The following ROBO1 variants were observed in gnomAD, a reference collection of about 807,000 sequenced individuals.
ROBO1 encodes the protein roundabout guidance receptor 1, also known as roundabout homolog 1.
A neutral mutation model predicts 195.9 loss-of-function variants in ROBO1; 149 were observed. That is an observed-to-expected ratio of 0.76 (90% CI 0.67 to 0.87). The LOEUF is 0.87. Among genes scored for constraint, ROBO1 ranks in the 40% least tolerant of loss-of-function variants. ROBO1 has a pLI of 0.00. For missense variants in ROBO1, 1,933 were observed against 2,068.3 expected (o/e 0.93, Z 1.27); for synonymous variants, 816 against 733.2 (o/e 1.11, Z -1.82).
At chr3:78,985,685 C>T (rs567621770) in intron 3 of ROBO1, among the ~76,000 whole-genome samples, 5 of 152,246 alleles carry the variant, frequency 3.3e-5, no homozygotes, top group African/African-American at 9.6e-5. Context: ...AGAGTTGTAA[C>T]AGCCAAAGTT....
At chr3:78,719,233 A>G (rs2081983295) in intron 5 of ROBO1, among the ~76,000 whole-genome samples, 1 of 152,172 alleles carries the variant, frequency 6.6e-6, no homozygotes. Flanking sequence ...GCCTGCACGC[A>G]GTAGTCACTC....
intron 2 of ROBO1, among the ~76,000 whole-genome samples, chr3:79,303,355 G>A (rs544135929): frequency 2.0e-5 from 3 of 151,864 alleles, no homozygotes; most frequent in East Asian, 1.9e-4. Flanking sequence ...TAGCAGAGAC[G>A]GGGTTTCGCC....
intron 2 of ROBO1, among the ~76,000 whole-genome samples, chr3:79,293,046 A>T (rs1413603423): frequency 6.6e-6 from 1 of 152,132 alleles, no homozygotes; most frequent in Admixed American, 6.5e-5. Context: ...TACAACCTGA[A>T]TTTCAGACCT....
At chr3:79,447,192 T>A (rs940165607) in intron 2 of ROBO1, among the ~76,000 whole-genome samples, 1 of 151,994 alleles carries the variant, frequency 6.6e-6, no homozygotes, top group Non-Finnish European at 1.5e-5. Context: ...ACAGACTCGA[T>A]TGCCTCTAAA....
chr3:79,511,730 C>T (rs1940716303), intron 2 of ROBO1, among the ~76,000 whole-genome samples: 1 of 152,094 alleles, frequency 6.6e-6, no homozygotes, highest in African/African-American at 2.4e-5. Context: ...CCATGGAATA[C>T]TATGCAGCCA....
At chr3:79,726,305 C>T (rs1702924132) in intron 1 of ROBO1, among the ~76,000 whole-genome samples, 1 of 152,174 alleles carries the variant, frequency 6.6e-6, no homozygotes, top group South Asian at 2.1e-4. Context: ...CCTCCTCCAA[C>T]CCCATCTATC....
chr3:79,760,259 A>AAAAAAAG (rs1704621476), intron 1 of ROBO1, among the ~76,000 whole-genome samples: 1 of 146,064 alleles, frequency 6.8e-6, no homozygotes. Context: ...AAAAAAAAAA[A>AAAAAAAG]AAAAAAAAAA....
chr3:78,836,088 G>C (rs1195362881), intron 4 of ROBO1, among the ~76,000 whole-genome samples: 1 of 152,176 alleles, frequency 6.6e-6, no homozygotes, highest in Non-Finnish European at 1.5e-5. Context: ...AAGATTGACA[G>C]AATATGCCTA....
At chr3:79,743,449 G>A (rs1254484340) in intron 1 of ROBO1, among the ~76,000 whole-genome samples, 2 of 152,192 alleles carry the variant, frequency 1.3e-5, no homozygotes, top group Non-Finnish European at 2.9e-5. Flanking sequence ...ATGAGCCAGT[G>A]AGTGACTGGT....
intron 3 of ROBO1, chr3:79,018,460 A>G: frequency 6.2e-7 from 1 of 1,613,856 alleles, no homozygotes; most frequent in Non-Finnish European, 8.5e-7. Context: ...CTCCGCAATC[A>G]TTGTCCTCGG....
chr3:79,136,808 A>G (rs540987623), intron 2 of ROBO1, among the ~76,000 whole-genome samples: 2 of 152,210 alleles, frequency 1.3e-5, no homozygotes, highest in African/African-American at 4.8e-5. Context: ...AGGGAGAAAT[A>G]TAAGTTATGT....
intron 4 of ROBO1, among the ~76,000 whole-genome samples, chr3:78,761,055 T>C (rs1177805281): frequency 6.6e-6 from 1 of 152,290 alleles, no homozygotes; most frequent in South Asian, 2.1e-4. Context: ...TACAATCTTA[T>C]ATAATCAATA....
chr3:79,609,162 A>G (rs928355740), intron 1 of ROBO1, among the ~76,000 whole-genome samples: 2 of 151,924 alleles, frequency 1.3e-5, no homozygotes, highest in Admixed American at 6.6e-5. Flanking sequence ...TTGTTTTAGC[A>G]GCACAAACAG....
At chr3:79,532,987 A>T (rs558970202) in intron 2 of ROBO1, 4 of 307,034 alleles carry the variant, frequency 1.3e-5, no homozygotes, top group Admixed American at 4.5e-5. Context: ...CATCTGCTTT[A>T]AAAAAAAGTA....
chr3:78,873,529 C>T (rs1259267957), intron 4 of ROBO1, among the ~76,000 whole-genome samples: 1 of 152,000 alleles, frequency 6.6e-6, no homozygotes, highest in Non-Finnish European at 1.5e-5. Flanking sequence ...CCAAGTAAAC[C>T]TCTTCTTACC....
chr3:79,387,228 A>C (rs988505531), intron 2 of ROBO1, among the ~76,000 whole-genome samples: 6 of 152,160 alleles, frequency 3.9e-5, no homozygotes, highest in Admixed American at 3.9e-4. Context: ...GTTGATGATA[A>C]TACAAATCAT....
intron 2 of ROBO1, among the ~76,000 whole-genome samples, chr3:79,326,232 C>A (rs541922796): frequency 6.6e-6 from 1 of 152,132 alleles, no homozygotes; most frequent in African/African-American, 2.4e-5. Context: ...ACTCGCCCTG[C>A]CTCCATTTGC....
At chr3:79,003,146 C>A (rs539384956) in intron 3 of ROBO1, among the ~76,000 whole-genome samples, 18 of 152,222 alleles carry the variant, frequency 1.2e-4, no homozygotes, top group African/African-American at 4.3e-4. Flanking sequence ...ACAGCATAAA[C>A]ATTATTATAT....
chr3:79,449,116 A>G (rs2039363639), intron 2 of ROBO1, among the ~76,000 whole-genome samples: 1 of 152,096 alleles, frequency 6.6e-6, no homozygotes, highest in South Asian at 2.1e-4. Flanking sequence ...CTATAATCCC[A>G]GATACTCAGG....
Sources: gnomAD v4.1 joint callset for allele counts (sites outside exome capture counted in the v4.1 genomes callset) on GRCh38, gnomAD v4.1.1 for gene constraint, MANE v1.5 for transcripts, NCBI Gene and HGNC (gene_info 2026-07-23, HGNC 2026-07-21) for gene names.